CBFA2T2: variants seen among roughly 807,000 people sequenced by gnomAD.
CBFA2T2 encodes protein CBFA2T2.
In CBFA2T2, 11 loss-of-function variants were observed where a neutral mutation model predicts 62.2. That is an observed-to-expected ratio of 0.18 (90% CI 0.11 to 0.29). The LOEUF is 0.29. CBFA2T2 is among the 10% of genes least tolerant of loss of function. The pLI, the probability that CBFA2T2 is intolerant of heterozygous loss-of-function variation, is 1.00. For missense variants in CBFA2T2, 592 were observed against 774.1 expected, an observed-to-expected ratio of 0.76 and a Z score of 2.79; for synonymous variants, 295 against 287.5, an observed-to-expected ratio of 1.03 and a Z score of -0.27.
At chr20:33,592,411 A>G (rs1235837929) in intron 1 of CBFA2T2, among the ~76,000 whole-genome samples, 1 of 147,870 alleles carries the variant, frequency 6.8e-6, no homozygotes, top group Non-Finnish European at 1.5e-5. Flanking sequence ...AAAATTATAT[A>G]TATAATTATG....
intron 9 of CBFA2T2, chr20:33,638,710 T>A (rs1373256072): frequency 3.3e-5 from 5 of 152,252 alleles, no homozygotes; most frequent in Non-Finnish European, 7.3e-5. Context: ...CTGGATTGTC[T>A]AGTCCTGTGG....
chr20:33,531,680 C>G (rs1477732177), intron 1 of CBFA2T2, among the ~76,000 whole-genome samples: 1 of 152,138 alleles, frequency 6.6e-6, no homozygotes, highest in Non-Finnish European at 1.5e-5. Flanking sequence ...TCTTAATATG[C>G]CTGGGTGGGC....
chr20:33,554,600 CTTTTTTTTTT>C lies in CBFA2T2; in HGVS notation c.35-52342_35-52333del, dbSNP rs752877501. On this transcript the variant is annotated intron_variant, in intron 1 of 10. Coordinates refer to ENST00000342704, the MANE Select transcript of CBFA2T2 (RefSeq NM_001032999.3). ...TTTCTTTCCTTTTCCTTTTTCTTTT[CTTTTTTTTTT>C]TTTTTTTTTTTTTGAGATGGAGTTT... is the stretch of plus-strand genomic sequence containing the variant. Among the ~76,000 whole-genome samples, 3 of 56,286 alleles carry C rather than the reference CTTTTTTTTTT, an allele frequency of 5.3e-5. No individual in the cohort carries two copies. The Admixed American group carries it at 6.6e-4, about 12-fold the overall frequency. The allele number at this position is 56,286 out of a possible 152,430, so 36.9% of individuals were successfully genotyped here. A position where few individuals can be genotyped will look rare whatever the true frequency, so the allele number is the denominator to read the frequency against.
intron 1 of CBFA2T2, among the ~76,000 whole-genome samples, chr20:33,581,139 C>G (rs769082096): frequency 1.3e-5 from 2 of 151,886 alleles, no homozygotes; most frequent in Non-Finnish European, 2.9e-5. Context: ...TCTCGGTGCA[C>G]TGAAACCTCC....
rs74877199 is a variant in CBFA2T2 at position 33,541,262 on chromosome 20, G to A, written c.34+50961G>A. On this transcript the variant is annotated intron_variant, in intron 1 of 10. Transcript: ENST00000342704. ...GTAGTCCAGAGGTCAAGGGTCAAGT[G>A]ATTAGAAGCAGTTTGTTCAGAGGTC... is the stretch of plus-strand genomic sequence containing the variant. 8.9e-3 allele frequency among the ~76,000 whole-genome samples: 1,361 copies of A among 152,322 alleles called. 11 individuals carry two copies. The highest frequency in any genetic ancestry group is 0.016 in the Non-Finnish European group (1,084 of 68,036).
intron 1 of CBFA2T2, among the ~76,000 whole-genome samples, chr20:33,517,890 C>A (rs908043919): frequency 6.6e-6 from 1 of 151,742 alleles, no homozygotes. Context: ...GTGATCCACC[C>A]GCCTCGGCCT....
intron 1 of CBFA2T2, among the ~76,000 whole-genome samples, chr20:33,582,598 A>T (rs913333583): frequency 1.3e-5 from 2 of 152,248 alleles, no homozygotes; most frequent in Non-Finnish European, 2.9e-5. Flanking sequence ...AGGCAGGAAG[A>T]TCACTTGAGG....
intron 1 of CBFA2T2, among the ~76,000 whole-genome samples, chr20:33,533,398 T>C (rs2012114341): frequency 6.6e-6 from 1 of 152,240 alleles, no homozygotes; most frequent in African/African-American, 2.4e-5. Flanking sequence ...GATGAAATCA[T>C]ACAATATGCA....
intron 5 of CBFA2T2, chr20:33,624,018 T>C (rs906220182): frequency 1.3e-5 from 7 of 549,326 alleles, no homozygotes; most frequent in Non-Finnish European, 2.3e-5. Context: ...GCCAAATGCC[T>C]TTTATGTCAA....
At chr20:33,516,497 A>G (rs1448498247) in intron 1 of CBFA2T2, among the ~76,000 whole-genome samples, 11 of 152,066 alleles carry the variant, frequency 7.2e-5, no homozygotes, top group Admixed American at 7.2e-4. Context: ...AACTATAGCC[A>G]GGTGCAGTGG....
At chr20:33,574,264 A>G in intron 1 of CBFA2T2, 1 of 1,610,832 alleles carries the variant, frequency 6.2e-7, no homozygotes, top group Middle Eastern at 1.7e-4. Context: ...ATGGAAAGGT[A>G]TGTGTGAAAC....
intron 8 of CBFA2T2, among the ~76,000 whole-genome samples, chr20:33,631,036 C>T (rs1300657431): frequency 3.9e-5 from 6 of 152,110 alleles, no homozygotes; most frequent in Non-Finnish European, 5.9e-5. Context: ...AAAAACAGGC[C>T]GGGCGTGGTG....
intron 3 of CBFA2T2, among the ~76,000 whole-genome samples, chr20:33,611,945 G>A (rs565060056): frequency 6.6e-6 from 1 of 152,276 alleles, no homozygotes; most frequent in Non-Finnish European, 1.5e-5. Flanking sequence ...GTCCAACCAA[G>A]TTAATGCAAG....
At chr20:33,547,371 GTAA>G (rs2012604969) in intron 1 of CBFA2T2, among the ~76,000 whole-genome samples, 2 of 151,896 alleles carry the variant, frequency 1.3e-5, no homozygotes, top group South Asian at 4.2e-4. Flanking sequence ...TCCAGCCTGG[GTAA>G]CACATCTCTG....
At chr20:33,500,436 C>T (rs957761755) in intron 1 of CBFA2T2, among the ~76,000 whole-genome samples, 5 of 152,070 alleles carry the variant, frequency 3.3e-5, no homozygotes, top group East Asian at 1.9e-4. Context: ...AGGCCAGGCG[C>T]GGTGGCTCAC....
intron 3 of CBFA2T2, among the ~76,000 whole-genome samples, chr20:33,615,113 CT>C (rs1336918698): frequency 2.6e-5 from 4 of 152,164 alleles, no homozygotes; most frequent in Non-Finnish European, 5.9e-5. Context: ...AGGAGGATCA[CT>C]TTGGTCCAGG....
chr20:33,556,375 T>G (rs2012898279), intron 1 of CBFA2T2, among the ~76,000 whole-genome samples: 1 of 152,194 alleles, frequency 6.6e-6, no homozygotes, highest in Non-Finnish European at 1.5e-5. Context: ...CCTTAATGCC[T>G]CATTTAAGGA....
In CBFA2T2 at chr20:33,562,482, G is replaced by A. The variant is rs1018201089; in HGVS notation, c.35-44474G>A. 4.1e-6 allele frequency: 4 copies of A among 985,802 alleles called. No individual in the cohort carries two copies. In the African/African-American group the frequency reaches 7.0e-5, roughly 17 times the overall value. The allele number at this position is 985,802 out of a possible 1,614,324, so 61.1% of individuals were successfully genotyped here. The stretch of plus-strand genomic sequence containing the variant: ...ATCTGTGTTTCCCTGGAATGGGACA[G>A]GCAGCTCTAGTCAGTGAGAAATCGC... On this transcript the variant is annotated intron_variant, in intron 1 of 10. Transcript: ENST00000342704.
intron 1 of CBFA2T2, among the ~76,000 whole-genome samples, chr20:33,504,438 T>G (rs2011365020): frequency 6.7e-6 from 1 of 150,026 alleles, no homozygotes; most frequent in South Asian, 2.1e-4. Context: ...AGATGGAGTC[T>G]TGCTCTGTCA....
Sources: gnomAD v4.1 joint callset for allele counts (sites outside exome capture counted in the v4.1 genomes callset) on GRCh38, gnomAD v4.1.1 for gene constraint, MANE v1.5 for transcripts, NCBI Gene and HGNC (gene_info 2026-07-23, HGNC 2026-07-21) for gene names.